Variants in MAST4 observed in about 807,000 individuals in gnomAD.
The protein encoded by MAST4 is microtubule-associated serine/threonine-protein kinase 4.
In MAST4, 89 loss-of-function variants were observed where a neutral mutation model predicts 162.7. The ratio of observed to expected loss-of-function variants is 0.55; its 90% confidence interval spans 0.46 to 0.65. The LOEUF is 0.65. Ranked by LOEUF, MAST4 falls within the 30% of genes least tolerant of loss-of-function variation. MAST4 has a pLI of 0.00. For synonymous variants in MAST4, 1,479 were observed against 1,361.1 expected (o/e 1.09, Z -1.91); for missense variants, 3,153 against 3,374.0 (o/e 0.93, Z 1.62).
chr5:66,987,618 T>C (rs1450220932), intron 4 of MAST4, among the ~76,000 whole-genome samples: 1 of 152,156 alleles, frequency 6.6e-6, no homozygotes, highest in African/African-American at 2.4e-5. Context: ...AAATGTGGTA[T>C]TTTTCTTTCT....
In MAST4 at chr5:67,133,495, A is replaced by G. The variant is rs750911670; in HGVS notation, c.2094-19A>G. ...GCTTATAAAGTGATTATTGTGTTACATGTCCGTCTGCCTCATAGCTTGTTG... is the reference window on the plus strand; with the variant it reads ...GCTTATAAAGTGATTATTGTGTTACGTGTCCGTCTGCCTCATAGCTTGTTG... On this transcript the variant is annotated intron_variant, in intron 16 of 28. Transcript: ENST00000403625. 9 of 1,611,716 alleles carry G rather than the reference A, an allele frequency of 5.6e-6. No homozygotes were observed. The highest frequency in any genetic ancestry group is 5.3e-5 in the African/African-American group (4 of 74,850).
intron 4 of MAST4, among the ~76,000 whole-genome samples, chr5:66,920,893 CACATAA>C (rs1419037946): frequency 5.9e-5 from 9 of 152,164 alleles, no homozygotes; most frequent in East Asian, 3.9e-4. Flanking sequence ...TTTTGTGAAA[CACATAA>C]ACATAAACAA....
intron 1 of MAST4, among the ~76,000 whole-genome samples, chr5:66,754,152 C>T (rs1359920175): frequency 6.7e-6 from 1 of 149,826 alleles, no homozygotes; most frequent in Non-Finnish European, 1.5e-5. Context: ...GGACGTATCT[C>T]AAAATAATAA....
intron 3 of MAST4, among the ~76,000 whole-genome samples, chr5:66,892,344 G>T (rs917836396): frequency 6.6e-6 from 1 of 152,142 alleles, no homozygotes. Flanking sequence ...ACTTTGAAAA[G>T]ACCTCTATTC....
At chr5:66,820,335 A>C (rs979072954) in intron 3 of MAST4, among the ~76,000 whole-genome samples, 1 of 152,228 alleles carries the variant, frequency 6.6e-6, no homozygotes, top group African/African-American at 2.4e-5. Context: ...TATTATCTTC[A>C]GTAAATATAC....
At chr5:67,075,161 GTT>G (rs35184662) in intron 5 of MAST4, among the ~76,000 whole-genome samples, 15 of 128,150 alleles carry the variant, frequency 1.2e-4, no homozygotes, top group South Asian at 5.4e-4. Flanking sequence ...ATTGGAATGA[GTT>G]TTTTTTTTTT....
chr5:67,121,925 G>A (rs1451977633), intron 14 of MAST4, among the ~76,000 whole-genome samples: 3 of 151,708 alleles, frequency 2.0e-5, no homozygotes, highest in Non-Finnish European at 4.4e-5. Context: ...GTGCAGTGGT[G>A]CAATCATAGC....
At chr5:66,597,667 C>G (rs115928234) in intron 1 of MAST4, among the ~76,000 whole-genome samples, 1 of 152,158 alleles carries the variant, frequency 6.6e-6, no homozygotes, top group Non-Finnish European at 1.5e-5. Flanking sequence ...GAACGCTTGT[C>G]ACCAAACCGA....
chr5:66,919,099 A>AACAC (rs56340246), intron 4 of MAST4, among the ~76,000 whole-genome samples: 26,103 of 142,052 alleles, frequency 0.18, 2,401 homozygotes, highest in Non-Finnish European at 0.22. Context: ...CGAGACTCTC[A>AACAC]ACACACACAC....
intron 5 of MAST4, among the ~76,000 whole-genome samples, chr5:67,083,283 A>G (rs1287385162): frequency 6.6e-6 from 1 of 152,234 alleles, no homozygotes; most frequent in East Asian, 1.9e-4. Flanking sequence ...ACCTTTGCAC[A>G]TATTTTGCTT....
At chr5:66,692,984 A>ATTTTTTTTTTTTTTTTTTTTTTT in intron 1 of MAST4, among the ~76,000 whole-genome samples, 1 of 133,144 alleles carries the variant, frequency 7.5e-6, no homozygotes, top group Non-Finnish European at 1.6e-5. Context: ...TAAAGTTTGT[A>ATTTTTTTTTTTTTTTTTTTTTTT]TTTTTTTTTT....
At position 67,144,756 on chromosome 5, in the gene MAST4, T is replaced by C. The variant is rs1315911358; in HGVS notation, c.2818T>C (p.Ser940Pro). Residue 940 changes from serine (S) to proline (P), a missense_variant, in exon 22 of 29, where the codon TCC becomes CCC. This residue lies in a region of MAST4 where 619 missense variants were observed against 744.2 expected (regional missense o/e 0.83). Coordinates refer to ENST00000403625, the MANE Select transcript of MAST4 (RefSeq NM_001164664.2). ...CAAAACCAAAAGCACCACCTTGCCA[T>C]CCACAGAAACACTGAGCTGGAGTTC... is the stretch of plus-strand genomic sequence containing the variant. ...VDKTKSTTLPSTETLSWSSEY... is the reference protein window; with the variant it reads ...VDKTKSTTLPPTETLSWSSEY... The C allele has an allele frequency of 2.5e-6, 4 of 1,613,410 alleles. No homozygotes were observed. Among genetic ancestry groups the C allele is most frequent in the African/African-American group, 1.3e-5 (1 of 74,922 alleles).
chr5:67,095,582 T>A lies in MAST4; in HGVS notation c.834-15T>A. The A allele has an allele frequency of 6.3e-7, 1 of 1,599,848 alleles. No homozygotes were observed. Among genetic ancestry groups the A allele is most frequent in the Non-Finnish European group, 8.5e-7 (1 of 1,172,634 alleles). On this transcript the variant is annotated splice_polypyrimidine_tract_variant and intron_variant, in intron 6 of 28. Transcript: ENST00000403625. ...ACGCCAGTGTTGGCCTAAGCTAAAC[T>A]CACTTTCTCAATAGGACTGATGGAC...
At chr5:66,828,829 A>T (rs778528085) in intron 3 of MAST4, 1 of 1,606,202 alleles carries the variant, frequency 6.2e-7, no homozygotes, top group South Asian at 1.1e-5. Flanking sequence ...AGGCTCAGAG[A>T]AAGCAGAGGG....
intron 3 of MAST4, among the ~76,000 whole-genome samples, chr5:66,834,064 A>G (rs1041481831): frequency 1.3e-5 from 2 of 152,208 alleles, no homozygotes; most frequent in African/African-American, 2.4e-5. Context: ...TCCCTCTGTC[A>G]CCACTAAGAC....
rs146610345 is a variant in MAST4, at chr5:66,892,747, C to T, written c.643-7204C>T. 1.4e-4 allele frequency among the ~76,000 whole-genome samples: 22 copies of T among 152,198 alleles called. No homozygotes were observed. In the East Asian group the frequency reaches 4.3e-3, roughly 30 times the overall value. The stretch of plus-strand genomic sequence containing the variant: ...CACTGTCTCCCACTCTCTGACATTG[C>T]CGTGGTGGAGTATAGGGGAAAAAAT... On this transcript the variant is annotated intron_variant, in intron 3 of 28. Coordinates refer to ENST00000403625, the MANE Select transcript of MAST4 (RefSeq NM_001164664.2).
chr5:66,824,854 A>G (rs1411985652), intron 3 of MAST4, among the ~76,000 whole-genome samples: 1 of 152,202 alleles, frequency 6.6e-6, no homozygotes, highest in Non-Finnish European at 1.5e-5. Context: ...TAGAAAACAT[A>G]CCTGAAAAAT....
intron 3 of MAST4, among the ~76,000 whole-genome samples, chr5:66,899,451 C>T (rs1160477522): frequency 6.6e-6 from 1 of 152,060 alleles, no homozygotes; most frequent in East Asian, 1.9e-4. Flanking sequence ...AAATCTTTTC[C>T]ATTATTATTT....
At chr5:66,980,589 TC>T (rs1748673933) in intron 4 of MAST4, among the ~76,000 whole-genome samples, 2 of 152,216 alleles carry the variant, frequency 1.3e-5, no homozygotes, top group South Asian at 4.1e-4. Flanking sequence ...TGACCTCAAT[TC>T]ATCAGAAAGG....
Sources: gnomAD v4.1 joint callset for allele counts (sites outside exome capture counted in the v4.1 genomes callset) on GRCh38, gnomAD v4.1.1 for gene constraint, gnomAD v4.1.1 regional missense constraint, MANE v1.5 for transcripts, NCBI Gene and HGNC (gene_info 2026-07-23, HGNC 2026-07-21) for gene names.